The following ROR2 variants were observed in gnomAD, a reference collection of about 807,000 sequenced individuals.
ROR2 encodes ROR family WNT receptor 2.
A neutral mutation model predicts 74.9 loss-of-function variants in ROR2; 33 were observed. The ratio of observed to expected loss-of-function variants is 0.44; its 90% CI spans 0.33 to 0.59. The LOEUF (loss-of-function observed/expected upper bound fraction) is 0.59, where lower values mean the gene tolerates loss of function less well. ROR2 is among the 20% of genes least tolerant of loss of function. The pLI, the probability that ROR2 is intolerant of heterozygous loss-of-function variation, is 0.02. For missense variants in ROR2, 1,216 were observed against 1,313.8 expected, an observed-to-expected ratio of 0.93 and a Z score of 1.15; for synonymous variants, 586 against 558.7, an observed-to-expected ratio of 1.05 and a Z score of -0.69.
At chr9:91,837,544 T>C (rs1033656404) in intron 1 of ROR2, among the ~76,000 whole-genome samples, 7 of 152,234 alleles carry the variant, frequency 4.6e-5, no homozygotes, top group East Asian at 1.9e-4. Flanking sequence ...CCCCTGCTCT[T>C]TGCACTTTAT....
chr9:91,888,336 T>C (rs1236057716), intron 1 of ROR2, among the ~76,000 whole-genome samples: 1 of 152,142 alleles, frequency 6.6e-6, no homozygotes, highest in African/African-American at 2.4e-5. Flanking sequence ...GTACAAACAA[T>C]GGACTACAAA....
chr9:91,914,859 C>G (rs1000572457), intron 1 of ROR2, among the ~76,000 whole-genome samples: 3 of 152,236 alleles, frequency 2.0e-5, no homozygotes, highest in South Asian at 4.1e-4. Context: ...CAGGGCCTGG[C>G]CTTCCAGCTG....
chr9:91,732,447 G>A (rs550568886), intron 6 of ROR2, among the ~76,000 whole-genome samples: 80 of 152,228 alleles, frequency 5.3e-4, no homozygotes, highest in African/African-American at 1.7e-3. Flanking sequence ...CCCAGGCCCC[G>A]GGCTCAGAAC....
intron 1 of ROR2, among the ~76,000 whole-genome samples, chr9:91,830,186 TG>T (rs1332708861): frequency 2.0e-5 from 3 of 152,238 alleles, no homozygotes; most frequent in Admixed American, 2.0e-4. Context: ...TATTTCTGAT[TG>T]GGTGTGGTGG....
Position 91,741,171 on chromosome 9 carries a change from A to T in ROR2, c.495-3653T>A, listed in dbSNP as rs547725739. ...AACAATTAGCCGGGTGTGGTGGTGC[A>T]CACCTGTAGTCCCAGCTACTCGGGA... On this transcript the variant is annotated intron_variant, in intron 4 of 8. Transcript: ENST00000375708. Among the ~76,000 whole-genome samples, 148 of 151,896 alleles carry T rather than the reference A, an allele frequency of 9.7e-4. 1 individual carries two copies. The highest frequency in any genetic ancestry group is 3.5e-3 in the African/African-American group (143 of 41,412).
intron 1 of ROR2, among the ~76,000 whole-genome samples, chr9:91,824,139 T>G (rs1264652648): frequency 6.6e-6 from 1 of 152,226 alleles, no homozygotes; most frequent in African/African-American, 2.4e-5. Context: ...AGTTCCCAGG[T>G]AATCATCACG....
intron 2 of ROR2, among the ~76,000 whole-genome samples, chr9:91,771,433 G>C (rs1205066255): frequency 1.3e-5 from 2 of 152,240 alleles, no homozygotes; most frequent in African/African-American, 2.4e-5. Context: ...ATAAGCCTCT[G>C]TAAGTAACAG....
At chr9:91,937,208 A>C (rs1458256285) in intron 1 of ROR2, among the ~76,000 whole-genome samples, 1 of 152,130 alleles carries the variant, frequency 6.6e-6, no homozygotes, top group Non-Finnish European at 1.5e-5. Flanking sequence ...AAACAAGCTG[A>C]CCCAGAGGCG....
chr9:91,809,794 C>T (rs184668468), intron 1 of ROR2, among the ~76,000 whole-genome samples: 4 of 152,350 alleles, frequency 2.6e-5, no homozygotes, highest in Admixed American at 2.6e-4. Flanking sequence ...TGGTGAGGCT[C>T]CCGGCTCCAC....
At chr9:91,750,745 T>C (rs1021412939) in intron 4 of ROR2, among the ~76,000 whole-genome samples, 2 of 152,272 alleles carry the variant, frequency 1.3e-5, no homozygotes, top group African/African-American at 4.8e-5. Context: ...AGAATGACCA[T>C]GAAAATACCA....
intron 1 of ROR2, among the ~76,000 whole-genome samples, chr9:91,794,958 C>G (rs1380296488): frequency 6.6e-6 from 1 of 151,652 alleles, no homozygotes; most frequent in Non-Finnish European, 1.5e-5. Flanking sequence ...CCAGTCTCTA[C>G]TAAAAATACA....
At chr9:91,726,852 G>A (rs1401852514) in intron 7 of ROR2, 109 bp from the exon 8 acceptor site, 2 of 998,148 alleles carry the variant, frequency 2.0e-6, no homozygotes, top group Admixed American at 1.9e-5. Flanking sequence ...GTGCACGTGT[G>A]TCATCACCTA....
chr9:91,923,210 G>A (rs115218158), intron 1 of ROR2, among the ~76,000 whole-genome samples: 2,497 of 152,290 alleles, frequency 0.016, 66 homozygotes, highest in African/African-American at 0.057. Flanking sequence ...CAAAATGCTG[G>A]GGATGAGGCA....
chr9:91,799,034 C>G (rs1376588644), intron 1 of ROR2, among the ~76,000 whole-genome samples: 1 of 152,158 alleles, frequency 6.6e-6, no homozygotes, highest in East Asian at 1.9e-4. Flanking sequence ...CCATTCCCCA[C>G]CCACTCTGTC....
intron 1 of ROR2, among the ~76,000 whole-genome samples, chr9:91,849,569 G>A (rs1201839044): frequency 6.6e-6 from 1 of 152,210 alleles, no homozygotes; most frequent in Non-Finnish European, 1.5e-5. Flanking sequence ...CCTAAAGAAT[G>A]TGGACTTCTG....
chr9:91,724,255 G>T lies in ROR2; in HGVS notation c.2239C>A (p.Arg747=). Residue 747 remains arginine, a synonymous_variant, in exon 9 of 9, where the codon CGA becomes AGA. Transcript: ENST00000375708. Reference sequence around the variant, plus strand: ...TAGTTGGAAAGGTTGCCCCAGGCTCGGAGCCGGCTGTGGATGTCCTTGAAG... The same window carrying T: ...TAGTTGGAAAGGTTGCCCCAGGCTCTGAGCCGGCTGTGGATGTCCTTGAAG... ...PRFKDIHSRL[R]AWGNLSNYNS... is the part of the protein sequence containing the mutation. The T allele has an allele frequency of 1.2e-6, 2 of 1,613,476 alleles. No homozygotes were observed. The highest frequency in any genetic ancestry group is 1.7e-6 in the Non-Finnish European group (2 of 1,180,018).
At chr9:91,949,123 C>A (rs1438135543) in intron 1 of ROR2, among the ~76,000 whole-genome samples, 2 of 151,054 alleles carry the variant, frequency 1.3e-5, no homozygotes, top group African/African-American at 4.9e-5. Context: ...CGGGGGTCCC[C>A]CCGGCGCGGC....
At chr9:91,811,476 G>C (rs1434125921) in intron 1 of ROR2, among the ~76,000 whole-genome samples, 1 of 152,216 alleles carries the variant, frequency 6.6e-6, no homozygotes. Context: ...TGGATATTTT[G>C]ACATCTGGGG....
At chr9:91,899,828 A>G (rs1830626998) in intron 1 of ROR2, among the ~76,000 whole-genome samples, 1 of 152,146 alleles carries the variant, frequency 6.6e-6, no homozygotes, top group Admixed American at 6.5e-5. Context: ...ACGTACACAT[A>G]CACCAGGAAA....
Sources: allele counts gnomAD v4.1 joint callset (sites outside exome capture counted in the v4.1 genomes callset), GRCh38; gene constraint gnomAD v4.1.1; transcripts MANE v1.5; gene names NCBI Gene and HGNC (gene_info 2026-07-23, HGNC 2026-07-21).